The following ST18 variants were observed in gnomAD, a reference collection of about 807,000 sequenced individuals.
ST18 encodes ST18 C2H2C-type zinc finger transcription factor, also known as suppression of tumorigenicity 18 protein.
A neutral mutation model predicts 110.0 loss-of-function variants in ST18; 50 were observed. That is an observed-to-expected ratio of 0.45 (90% confidence interval 0.36 to 0.58). The LOEUF (loss-of-function observed/expected upper bound fraction) is 0.58, where lower values mean the gene tolerates loss of function less well. Among genes scored for constraint, ST18 ranks in the 20% least tolerant of loss-of-function variants. ST18 has a pLI of 0.00. For synonymous variants in ST18, 461 were observed against 452.4 expected (o/e 1.02, Z -0.24); for missense variants, 1,306 against 1,280.1 (o/e 1.02, Z -0.31).
In ST18 at chr8:52,164,083, C is replaced by T. The variant is rs747553558; in HGVS notation, c.1303G>A (p.Gly435Ser). ...TTTTCAGCTGCAGCAATTGGACAAC[C>T]AGAAAGACTGTTTAAAAAAAGAAAC... ...SNRNTHRSLS[G>S]CPIAAAEKLA... The change falls in exon 13 of 26, where the codon GGT becomes AGT. Residue 435 changes from glycine (G) to serine (S), a missense_variant. Transcript: ENST00000689386. 2 of 1,613,684 alleles carry T rather than the reference C, an allele frequency of 1.2e-6. No individual in the cohort carries two copies. Among genetic ancestry groups the T allele is most frequent in the Non-Finnish European group, 1.7e-6 (2 of 1,179,678 alleles).
At chr8:52,127,710 T>C (rs1462531505) in intron 22 of ST18, among the ~76,000 whole-genome samples, 1 of 151,888 alleles carries the variant, frequency 6.6e-6, no homozygotes, top group East Asian at 1.9e-4. Context: ...AAGCAAAGAA[T>C]ATAGTTATGA....
intron 8 of ST18, among the ~76,000 whole-genome samples, chr8:52,197,938 G>A (rs1221104720): frequency 6.6e-6 from 1 of 151,718 alleles, no homozygotes; most frequent in African/African-American, 2.4e-5. Flanking sequence ...TCAGTAATAT[G>A]AGCAATATAG....
chr8:52,143,618 T>C (rs889395498), intron 16 of ST18, among the ~76,000 whole-genome samples: 11 of 152,224 alleles, frequency 7.2e-5, no homozygotes, highest in African/African-American at 2.7e-4. Context: ...TTTTGGCAAA[T>C]ATGATTACAG....
intron 2 of ST18, among the ~76,000 whole-genome samples, chr8:52,320,982 A>C (rs1443522282): frequency 6.6e-6 from 1 of 152,238 alleles, no homozygotes; most frequent in Non-Finnish European, 1.5e-5. Context: ...TATTTGGCTA[A>C]CTTACCTTTG....
At chr8:52,126,712 AT>A (rs2047219262) in intron 22 of ST18, among the ~76,000 whole-genome samples, 1 of 152,174 alleles carries the variant, frequency 6.6e-6, no homozygotes, top group Non-Finnish European at 1.5e-5. Context: ...AACATTTTTC[AT>A]TAAAAAATTC....
At chr8:52,194,083 T>TC (rs370271839) in intron 8 of ST18, among the ~76,000 whole-genome samples, 2 of 152,248 alleles carry the variant, frequency 1.3e-5, no homozygotes, top group Non-Finnish European at 2.9e-5. Context: ...TGCTTTTTTT[T>TC]CTCATTTAGT....
At chr8:52,221,402 T>C (rs1472754064) in intron 4 of ST18, among the ~76,000 whole-genome samples, 1 of 152,218 alleles carries the variant, frequency 6.6e-6, no homozygotes, top group Non-Finnish European at 1.5e-5. Context: ...GCTTTGCCCT[T>C]GGTTTACTGT....
intron 16 of ST18, among the ~76,000 whole-genome samples, chr8:52,143,930 T>G (rs564330742): frequency 1.3e-5 from 2 of 152,330 alleles, no homozygotes; most frequent in African/African-American, 4.8e-5. Context: ...TCTGGATAAT[T>G]GCTTTTATTT....
In ST18 at chr8:52,197,335, T is replaced by A. The variant is rs2076483389; in HGVS notation, c.86+14744A>T. Among the ~76,000 whole-genome samples the A allele has an allele frequency of 2.0e-5, 3 of 152,230 alleles. No homozygotes were observed. The South Asian group carries it at 6.2e-4, about 31-fold the overall frequency. The stretch of plus-strand genomic sequence containing the variant: ...AAAAAATTATCTCTGTAACACATCA[T>A]GTCCAAATCCATCAAATACTAAGTT... On this transcript the variant is annotated intron_variant, in intron 8 of 25. Coordinates refer to ENST00000689386, the MANE Select transcript of ST18 (RefSeq NM_001352837.2).
At chr8:52,274,131 A>T (rs1193167757) in intron 2 of ST18, among the ~76,000 whole-genome samples, 1 of 152,206 alleles carries the variant, frequency 6.6e-6, no homozygotes, top group East Asian at 1.9e-4. Flanking sequence ...AGAACAGGCC[A>T]ACTGTTAATA....
At chr8:52,259,050 C>T (rs1399280372) in intron 2 of ST18, among the ~76,000 whole-genome samples, 2 of 152,176 alleles carry the variant, frequency 1.3e-5, no homozygotes, top group Non-Finnish European at 2.9e-5. Flanking sequence ...CTAAAACCTG[C>T]TGAGACACAG....
rs1176644778 is a variant in ST18, at chr8:52,215,689, A to G, written c.1-1432T>C. Among the ~76,000 whole-genome samples the G allele has an allele frequency of 3.3e-5, 5 of 152,350 alleles. No individual in the cohort carries two copies. In the South Asian group the frequency reaches 6.2e-4, roughly 19 times the overall value. On this transcript the variant is annotated intron_variant, in intron 6 of 25. Transcript: ENST00000689386. Reference sequence around the variant, plus strand: ...ACTTTAAAACTACACAATAAGAGAAAACAACAATAAAACCGGGGTGATTTT... The same window carrying G: ...ACTTTAAAACTACACAATAAGAGAAGACAACAATAAAACCGGGGTGATTTT...
intron 2 of ST18, among the ~76,000 whole-genome samples, chr8:52,312,263 G>C (rs1236568541): frequency 6.6e-6 from 1 of 152,188 alleles, no homozygotes; most frequent in Non-Finnish European, 1.5e-5. Flanking sequence ...CAGATGTGGA[G>C]AGGGGGCACC....
At chr8:52,379,629 G>A (rs1481763817) in intron 2 of ST18, among the ~76,000 whole-genome samples, 1 of 151,742 alleles carries the variant, frequency 6.6e-6, no homozygotes, top group Non-Finnish European at 1.5e-5. Flanking sequence ...AAAAAGGTAT[G>A]TCACAAATAC....
intron 2 of ST18, among the ~76,000 whole-genome samples, chr8:52,394,329 A>AAT (rs1840362250): frequency 6.6e-6 from 1 of 152,140 alleles, no homozygotes; most frequent in South Asian, 2.1e-4. Context: ...TAAAATTAAA[A>AAT]ATATATATAT....
In ST18 at chr8:52,272,856, A is replaced by C. The variant is rs144774008; in HGVS notation, c.-464-42779T>G. ...ATTCCACTTATGTGAGGTTGTCTAA[A>C]ATAGTCAAATTTGTAGAATCAAATA... On this transcript the variant is annotated intron_variant, in intron 2 of 25. Transcript: ENST00000689386. Among the ~76,000 whole-genome samples the C allele has an allele frequency of 5.9e-3, 900 of 152,296 alleles. 5 individuals carry two copies. The highest frequency in any genetic ancestry group is 0.021 in the African/African-American group (852 of 41,550).
At chr8:52,402,215 C>A (rs1271659743) in intron 2 of ST18, among the ~76,000 whole-genome samples, 6 of 152,098 alleles carry the variant, frequency 3.9e-5, no homozygotes, top group Admixed American at 3.9e-4. Flanking sequence ...CTGAGGGGAT[C>A]CCTGTTATTA....
At chr8:52,323,613 C>A (rs1456518944) in intron 2 of ST18, among the ~76,000 whole-genome samples, 2 of 152,160 alleles carry the variant, frequency 1.3e-5, no homozygotes, top group Non-Finnish European at 2.9e-5. Context: ...GCTCAGGTAC[C>A]AACAGGGTCT....
At chr8:52,309,560 A>G (rs1033054160) in intron 2 of ST18, among the ~76,000 whole-genome samples, 9 of 149,254 alleles carry the variant, frequency 6.0e-5, no homozygotes, top group Non-Finnish European at 1.2e-4. Context: ...CACGTGGCTC[A>G]TGGAAACTAT....
Sources: allele counts gnomAD v4.1 joint callset (sites outside exome capture counted in the v4.1 genomes callset), GRCh38; gene constraint gnomAD v4.1.1; transcripts MANE v1.5; gene names NCBI Gene and HGNC (gene_info 2026-07-23, HGNC 2026-07-21).